Variants in PRDM5 observed in about 807,000 individuals in gnomAD.
PRDM5 encodes PR/SET domain 5.
In PRDM5, 56 loss-of-function variants were observed where a neutral mutation model predicts 81.2. The observed-to-expected ratio is 0.69, with a 90% CI of 0.56 to 0.86. The LOEUF is 0.86. Among genes scored for constraint, PRDM5 ranks in the 40% least tolerant of loss-of-function variants. The probability of loss-of-function intolerance (pLI) is 0.00; values close to 1 mark genes in which losing one functional copy is unlikely to be tolerated. For synonymous variants in PRDM5, 267 were observed against 256.4 expected (o/e 1.04, Z -0.39); for missense variants, 697 against 770.1 (o/e 0.91, Z 1.12).
chr4:120,768,398 G>T lies in PRDM5; in HGVS notation c.1537+8790C>A, dbSNP rs574225541. On this transcript the variant is annotated intron_variant, in intron 13 of 15. Transcript: ENST00000264808. ...CTGAATCCTTTCAATGGCCGTGAAA[G>T]GATTAATTTAGATACTATATTTGAG... Among the ~76,000 whole-genome samples the T allele has an allele frequency of 2.0e-5, 3 of 152,160 alleles. No individual in the cohort carries two copies. In the East Asian group the frequency reaches 5.8e-4, roughly 29 times the overall value.
intron 3 of PRDM5, among the ~76,000 whole-genome samples, chr4:120,846,389 C>T (rs1220495474): frequency 2.0e-5 from 3 of 152,204 alleles, no homozygotes; most frequent in Non-Finnish European, 4.4e-5. Context: ...GCAACCACCA[C>T]CCTGATCAAT....
chr4:120,709,311 G>T (rs1736623307), intron 15 of PRDM5, among the ~76,000 whole-genome samples: 1 of 152,116 alleles, frequency 6.6e-6, no homozygotes, highest in Non-Finnish European at 1.5e-5. Flanking sequence ...CTGAACTAGG[G>T]CTGTAGCTCT....
chr4:120,881,034 C>G (rs185862427), intron 2 of PRDM5, among the ~76,000 whole-genome samples: 1 of 152,130 alleles, frequency 6.6e-6, no homozygotes, highest in Non-Finnish European at 1.5e-5. Context: ...TAACACTGTA[C>G]TATAATTAAA....
At chr4:120,828,005 A>G (rs562609686) in intron 3 of PRDM5, among the ~76,000 whole-genome samples, 207 of 152,202 alleles carry the variant, frequency 1.4e-3, no homozygotes, top group South Asian at 7.5e-3. Flanking sequence ...TCTTTTATAT[A>G]GCACTTTGCA....
intron 4 of PRDM5, among the ~76,000 whole-genome samples, 163 bp from the exon 5 acceptor site, chr4:120,818,690 A>T (rs1406075679): frequency 6.6e-6 from 1 of 152,192 alleles, no homozygotes; most frequent in Non-Finnish European, 1.5e-5. Flanking sequence ...GCCACAAAAA[A>T]ATAATAGCAA....
At chr4:120,780,623 T>C (rs900834077) in intron 12 of PRDM5, among the ~76,000 whole-genome samples, 20 of 152,246 alleles carry the variant, frequency 1.3e-4, no homozygotes, top group African/African-American at 4.3e-4. Flanking sequence ...CAAATCACTA[T>C]ATGAACATTT....
At chr4:120,888,637 A>G (rs541648108) in intron 2 of PRDM5, among the ~76,000 whole-genome samples, 1 of 152,338 alleles carries the variant, frequency 6.6e-6, no homozygotes, top group South Asian at 2.1e-4. Flanking sequence ...GAACTGCTGA[A>G]TCATATCATA....
At chr4:120,875,151 T>C (rs1762216181) in intron 2 of PRDM5, among the ~76,000 whole-genome samples, 1 of 152,216 alleles carries the variant, frequency 6.6e-6, no homozygotes, top group Non-Finnish European at 1.5e-5. Context: ...CTGGCCAAAT[T>C]TGGTGACCTA....
In PRDM5 at chr4:120,816,853, G is replaced by A; in HGVS notation, c.722C>T (p.Ser241Phe). 1 of 1,613,872 alleles carries A rather than the reference G, an allele frequency of 6.2e-7. No homozygotes were observed. ...SRSFQCSVCN[S>F]SFSSASSFEQ... ...AAACCTCGATGCTGAACTGAAGGAA[G>A]AATTGCAAACAGAGCACTGAAAACT... The change falls in exon 6 of 16, where the codon TCT becomes TTT. Residue 241 changes from serine to phenylalanine, a missense_variant. Physicochemically the swap from Ser to Phe is radical, Grantham distance 155. Transcript: ENST00000264808.
intron 1 of PRDM5, among the ~76,000 whole-genome samples, chr4:120,917,821 G>C (rs1397049330): frequency 6.6e-6 from 1 of 152,042 alleles, no homozygotes; most frequent in African/African-American, 2.4e-5. Context: ...GCATGTGTTT[G>C]TATATTTGTG....
intron 2 of PRDM5, among the ~76,000 whole-genome samples, chr4:120,857,696 A>G (rs1265199046): frequency 6.6e-6 from 1 of 152,252 alleles, no homozygotes; most frequent in Non-Finnish European, 1.5e-5. Context: ...GCTCAATTAC[A>G]GAAAACCCTA....
intron 15 of PRDM5, among the ~76,000 whole-genome samples, chr4:120,701,652 G>C (rs781639558): frequency 6.6e-6 from 1 of 152,038 alleles, no homozygotes. Context: ...TAACAATAGC[G>C]ACTGGGGACT....
intron 10 of PRDM5, among the ~76,000 whole-genome samples, chr4:120,792,094 A>G (rs989384040): frequency 1.1e-4 from 17 of 152,192 alleles, no homozygotes; most frequent in African/African-American, 3.9e-4. Flanking sequence ...CTAATCTTCT[A>G]TGTGCAAACC....
intron 3 of PRDM5, 89 bp downstream of exon 3, chr4:120,853,329 G>T: frequency 6.3e-7 from 1 of 1,585,292 alleles, no homozygotes; most frequent in Non-Finnish European, 8.7e-7. Flanking sequence ...GAGGTCATTG[G>T]GAAACAAATT....
chr4:120,871,209 GT>G (rs1488677426), intron 2 of PRDM5, among the ~76,000 whole-genome samples: 1 of 152,184 alleles, frequency 6.6e-6, no homozygotes, highest in Non-Finnish European at 1.5e-5. Flanking sequence ...TGTTGTTGTT[GT>G]TGTTCTGTCA....
At chr4:120,843,386 A>C (rs990509589) in intron 3 of PRDM5, among the ~76,000 whole-genome samples, 1 of 151,822 alleles carries the variant, frequency 6.6e-6, no homozygotes, top group African/African-American at 2.4e-5. Flanking sequence ...CCTGCACAAG[A>C]CTACCATAAA....
In PRDM5 at chr4:120,922,651, T is replaced by C. The variant is rs2148732898; in HGVS notation, c.-43A>G. 6.4e-7 allele frequency: 1 copy of C among 1,565,480 alleles called. No individual in the cohort carries two copies. Among genetic ancestry groups the C allele is most frequent in the Non-Finnish European group, 8.7e-7 (1 of 1,155,100 alleles). ...CCGCCGCCTCTCTCAACACCGGCGC[T>C]TAGCGCCCGGCAGGCGGCACATCGA... On this transcript the variant is annotated 5_prime_UTR_variant, in exon 1 of 16. Coordinates refer to ENST00000264808, the MANE Select transcript of PRDM5 (RefSeq NM_018699.4).
intron 8 of PRDM5, among the ~76,000 whole-genome samples, chr4:120,806,171 A>G (rs960819109): frequency 1.3e-5 from 2 of 152,234 alleles, no homozygotes; most frequent in African/African-American, 4.8e-5. Flanking sequence ...AAGGAGAAGC[A>G]CAAACCACTG....
At chr4:120,709,706 G>C (rs6843059) in intron 15 of PRDM5, among the ~76,000 whole-genome samples, 4,893 of 151,872 alleles carry the variant, frequency 0.032, 263 homozygotes, top group African/African-American at 0.11. Context: ...AAGAACAGTG[G>C]TTTTTTTTCC....
Sources: gnomAD v4.1 joint callset for allele counts (sites outside exome capture counted in the v4.1 genomes callset) on GRCh38, gnomAD v4.1.1 for gene constraint, MANE v1.5 for transcripts, NCBI Gene and HGNC (gene_info 2026-07-23, HGNC 2026-07-21) for gene names.